The following FGD4 variants were observed in gnomAD, a reference collection of about 807,000 sequenced individuals.
FGD4 encodes FYVE, RhoGEF and PH domain containing 4, also known as FYVE, RhoGEF and PH domain-containing protein 4.
Under a neutral mutation model 102.0 loss-of-function variants are expected in FGD4, and 42 were observed. The observed-to-expected ratio is 0.41, with a 90% CI of 0.32 to 0.53. FGD4 has a LOEUF of 0.53. Among genes scored for constraint, FGD4 ranks in the 20% least tolerant of loss-of-function variants. The pLI is 0.21. For synonymous variants in FGD4, 380 were observed against 375.7 expected (o/e 1.01, Z -0.13); for missense variants, 902 against 1,078.2 (o/e 0.84, Z 2.29).
intron 1 of FGD4, among the ~76,000 whole-genome samples, chr12:32,476,604 G>T (rs1440818069): frequency 1.3e-5 from 2 of 152,170 alleles, no homozygotes; most frequent in African/African-American, 4.8e-5. Flanking sequence ...AAGTTGCCAT[G>T]CCTCTAGCTA....
chr12:32,409,982 G>A (rs1011587516), intron 1 of FGD4, among the ~76,000 whole-genome samples: 4 of 147,160 alleles, frequency 2.7e-5, no homozygotes, highest in Admixed American at 6.9e-5. Context: ...CCTGGGTAAC[G>A]TAGTGAAACC....
chr12:32,589,245 T>C (rs1176898790), intron 4 of FGD4, among the ~76,000 whole-genome samples: 3 of 152,232 alleles, frequency 2.0e-5, no homozygotes, highest in South Asian at 4.1e-4. Flanking sequence ...AAGCCTAATA[T>C]GTCATTTAAT....
At chr12:32,432,142 C>T (rs1302364148) in intron 1 of FGD4, among the ~76,000 whole-genome samples, 3 of 149,466 alleles carry the variant, frequency 2.0e-5, no homozygotes, top group South Asian at 2.1e-4. Context: ...TCACTGCAAG[C>T]TCTGCCTCCT....
Position 32,582,034 on chromosome 12 carries a change from A to C in FGD4, c.578A>C (p.His193Pro). The C allele has an allele frequency of 6.2e-7, 1 of 1,614,244 alleles. No individual in the cohort carries two copies. Among genetic ancestry groups the C allele is most frequent in the South Asian group, 1.1e-5 (1 of 91,090 alleles). ...AATGCTCCTAGAACCCCAGGAAGGC[A>C]TGGATTGACAACCACACCTCAACAA... The part of the protein sequence containing the change: ...NLNAPRTPGR[H>P]GLTTTPQQKL... The change falls in exon 4 of 17, where the codon CAT (histidine) becomes CCT (proline). Residue 193 changes from histidine to proline, a missense_variant. This residue lies in a region of FGD4 where 443 missense variants were observed against 459.2 expected (regional missense o/e 0.96). Coordinates refer to ENST00000534526, the MANE Select transcript of FGD4 (RefSeq NM_001370298.3).
At chr12:32,432,460 A>G (rs1330570241) in intron 1 of FGD4, among the ~76,000 whole-genome samples, 1 of 151,944 alleles carries the variant, frequency 6.6e-6, no homozygotes, top group African/African-American at 2.4e-5. Flanking sequence ...TACTGAAAAT[A>G]CAAAAGTTAG....
chr12:32,632,433 C>G (rs2137011035), intron 14 of FGD4, among the ~76,000 whole-genome samples: 1 of 152,242 alleles, frequency 6.6e-6, no homozygotes, highest in East Asian at 1.9e-4. Context: ...CCTTGAGGAA[C>G]TGGAGTTTGA....
At chr12:32,421,264 C>A (rs894183249) in intron 1 of FGD4, among the ~76,000 whole-genome samples, 1 of 152,210 alleles carries the variant, frequency 6.6e-6, no homozygotes, top group Non-Finnish European at 1.5e-5. Context: ...ACTCAGCTTT[C>A]CTTGTGTGTC....
intron 1 of FGD4, among the ~76,000 whole-genome samples, chr12:32,526,800 C>T (rs570609125): frequency 6.6e-6 from 1 of 152,254 alleles, no homozygotes; most frequent in East Asian, 1.9e-4. Flanking sequence ...CTGGGAGGAA[C>T]GAACAACTCC....
chr12:32,608,303 T>G (rs1948917635), intron 8 of FGD4, among the ~76,000 whole-genome samples: 1 of 152,252 alleles, frequency 6.6e-6, no homozygotes, highest in Admixed American at 6.5e-5. Context: ...CAAATCACAT[T>G]AATTTTGCTG....
Position 32,602,289 on chromosome 12 carries a change from A to G in FGD4, c.1376A>G (p.Gln459Arg), listed in dbSNP as rs1948477434. 16 of 1,614,160 alleles carry G rather than the reference A, an allele frequency of 9.9e-6. No individual in the cohort carries two copies. Among genetic ancestry groups the G allele is most frequent in the Non-Finnish European group, 1.4e-5 (16 of 1,180,014 alleles). The change falls in exon 7 of 17, where the codon CAG (glutamine) becomes CGG (arginine). Residue 459 changes from glutamine (Q) to arginine (R), a missense_variant. Gln to Arg is a conservative substitution (Grantham distance 43). Transcript: ENST00000534526. ...LVKNMTERIP[Q>R]FKSVVEEIQK... ...AAAAACATGACAGAACGTATTCCCC[A>G]GTTCAAATCAGTGGTTGAAGAAATT...
chr12:32,562,991 C>T (rs1294903121), intron 1 of FGD4, among the ~76,000 whole-genome samples: 2 of 150,644 alleles, frequency 1.3e-5, no homozygotes, highest in South Asian at 2.1e-4. Flanking sequence ...TAGGGGCGGC[C>T]GGGCAGAGGT....
intron 1 of FGD4, among the ~76,000 whole-genome samples, chr12:32,448,656 C>T (rs950797083): frequency 5.3e-5 from 7 of 132,518 alleles, no homozygotes; most frequent in Admixed American, 2.3e-4. Context: ...GAAACTCCAT[C>T]GCAAAAAAAA....
intron 1 of FGD4, among the ~76,000 whole-genome samples, chr12:32,442,046 TTTTTTTTTTTTTGG>T (rs1942451891): frequency 7.8e-6 from 1 of 127,988 alleles, no homozygotes; most frequent in Non-Finnish European, 1.6e-5. Context: ...TTGTTGTGTT[TTTTTTTTTTTTTGG>T]TTTTTTTTTT....
chr12:32,615,637 G>C (rs569008329), intron 10 of FGD4, among the ~76,000 whole-genome samples: 2 of 152,100 alleles, frequency 1.3e-5, no homozygotes, highest in East Asian at 3.9e-4. Flanking sequence ...GCCATCGGAA[G>C]GGCAGATCGG....
chr12:32,626,445 AG>A (rs1436466504), intron 14 of FGD4, among the ~76,000 whole-genome samples: 1,075 of 96,828 alleles, frequency 0.011, 16 homozygotes, highest in South Asian at 0.043. Context: ...ACTCCATCTC[AG>A]AAAAAAAAAA....
intron 1 of FGD4, among the ~76,000 whole-genome samples, chr12:32,492,043 G>A (rs1944112942): frequency 6.6e-6 from 1 of 152,186 alleles, no homozygotes; most frequent in South Asian, 2.1e-4. Flanking sequence ...GCATTTTGGA[G>A]ACTATTAAAA....
intron 1 of FGD4, among the ~76,000 whole-genome samples, chr12:32,526,284 T>C (rs1419685391): frequency 6.6e-6 from 1 of 152,098 alleles, no homozygotes; most frequent in Non-Finnish European, 1.5e-5. Flanking sequence ...AGAACCTTTA[T>C]GTCTAGCTCA....
chr12:32,570,364 A>G (rs1945560730), intron 2 of FGD4, among the ~76,000 whole-genome samples: 1 of 151,808 alleles, frequency 6.6e-6, no homozygotes, highest in Non-Finnish European at 1.5e-5. Context: ...GGTGAACACC[A>G]TTTTTCCTGT....
rs1592197335 is a variant in FGD4, at chr12:32,553,705, C to G, written c.167-10432C>G. On this transcript the variant is annotated intron_variant, in intron 1 of 16. Coordinates refer to ENST00000534526, the MANE Select transcript of FGD4 (RefSeq NM_001370298.3). Reference sequence around the variant, plus strand: ...ATCTCAAGCCATTTGCTTTACCTGACAGTATGACATTCTTTAATTTTAGGT... The same window carrying G: ...ATCTCAAGCCATTTGCTTTACCTGAGAGTATGACATTCTTTAATTTTAGGT... Among the ~76,000 whole-genome samples, 7 of 152,292 alleles carry G rather than the reference C, an allele frequency of 4.6e-5. No homozygotes were observed. In the South Asian group the frequency reaches 1.5e-3, roughly 32 times the overall value.
Sources: allele counts gnomAD v4.1 joint callset (sites outside exome capture counted in the v4.1 genomes callset), GRCh38; gene constraint gnomAD v4.1.1; regional missense constraint gnomAD v4.1.1; transcripts MANE v1.5; gene names NCBI Gene and HGNC (gene_info 2026-07-23, HGNC 2026-07-21).